MAP7: variants seen among roughly 807,000 people sequenced by gnomAD.
MAP7 encodes the protein ensconsin.
Under a neutral mutation model 94.8 loss-of-function variants are expected in MAP7, and 52 were observed. That is an observed-to-expected ratio of 0.55 (90% CI 0.44 to 0.69). The LOEUF (loss-of-function observed/expected upper bound fraction) is 0.69. Ranked by LOEUF, MAP7 falls within the 30% of genes least tolerant of loss-of-function variation. The pLI, the probability that MAP7 is intolerant of heterozygous loss-of-function variation, is 0.00. For missense variants in MAP7, 940 were observed against 964.6 expected (o/e 0.97, Z 0.34); for synonymous variants, 350 against 357.0 (o/e 0.98, Z 0.22).
At chr6:136,541,201 C>T (rs1829283015) in intron 1 of MAP7, among the ~76,000 whole-genome samples, 1 of 152,160 alleles carries the variant, frequency 6.6e-6, no homozygotes, top group Non-Finnish European at 1.5e-5. Context: ...AGTTTTGCTA[C>T]AGGAACACAT....
chr6:136,396,236 C>CA (rs2128691566), intron 3 of MAP7, among the ~76,000 whole-genome samples: 1 of 152,150 alleles, frequency 6.6e-6, no homozygotes, highest in African/African-American at 2.4e-5. Context: ...TTTTTTTCAT[C>CA]AGTGTTTTCA....
intron 1 of MAP7, among the ~76,000 whole-genome samples, chr6:136,456,764 GGAGGAAGAAGAAGAAGAAGAAGAA>G (rs1803057833): frequency 4.1e-5 from 1 of 24,362 alleles, no homozygotes; most frequent in African/African-American, 1.6e-4. Context: ...AGGAGGAGGA[GGAGGAAGAAGAAGAAGAAGAAGAA>G]GAAGAAGAAG....
At chr6:136,345,681 A>T in intron 17 of MAP7, 175 bp downstream of exon 17, 1 of 691,980 alleles carries the variant, frequency 1.4e-6, no homozygotes. Flanking sequence ...AAGTTGTCCA[A>T]TCCAACTCAA....
intron 7 of MAP7, 72 bp downstream of exon 7, chr6:136,377,683 A>T (rs1776582165): frequency 5.3e-6 from 6 of 1,137,098 alleles, no homozygotes; most frequent in Non-Finnish European, 8.0e-6. Context: ...AAAAAGTGAG[A>T]TGTGATTAGA....
intron 8 of MAP7, among the ~76,000 whole-genome samples, chr6:136,370,972 A>T (rs1353944757): frequency 6.6e-6 from 1 of 151,922 alleles, no homozygotes; most frequent in Non-Finnish European, 1.5e-5. Flanking sequence ...CAGTTTCAGT[A>T]GCCACTTTCC....
At position 136,365,927 on chromosome 6, in the gene MAP7, C is replaced by T. The variant is rs35350783; in HGVS notation, c.1081G>A (p.Val361Ile). The T allele has an allele frequency of 0.027, 44,323 of 1,614,076 alleles. 740 individuals are homozygous for T. The highest frequency in any genetic ancestry group is 0.032 in the Non-Finnish European group (37,274 of 1,180,026). The change falls in exon 10 of 18, where the codon GTC becomes ATC. Residue 361 changes from valine to isoleucine, a missense_variant. Val to Ile is a conservative substitution (Grantham distance 29). Transcript: ENST00000354570. The stretch of plus-strand genomic sequence containing the variant: ...ATGTTGCCGGGGGATGGGGGCCGGA[C>T]CTGAGCAGGAGCAGCTTTGACTGAG... ...PGSVKAAPAQ[V>I]RPPSPGNIRP...
At chr6:136,429,478 T>C (rs73567638) in intron 1 of MAP7, among the ~76,000 whole-genome samples, 1,644 of 152,300 alleles carry the variant, frequency 0.011, 20 homozygotes, top group East Asian at 0.039. Flanking sequence ...ATCTCAACTT[T>C]GGGAAATTTG....
chr6:136,523,444 T>G (rs546873010), intron 1 of MAP7, among the ~76,000 whole-genome samples: 1 of 152,256 alleles, frequency 6.6e-6, no homozygotes, highest in African/African-American at 2.4e-5. Context: ...GCTCTGCAGC[T>G]GTGGCTATTG....
At chr6:136,380,019 G>T (rs866441651) in intron 6 of MAP7, among the ~76,000 whole-genome samples, 1 of 152,062 alleles carries the variant, frequency 6.6e-6, no homozygotes, top group Middle Eastern at 3.2e-3. Flanking sequence ...TTTTTGTTTT[G>T]TTAGTTTGTT....
At chr6:136,418,719 C>G (rs1022678004) in intron 2 of MAP7, among the ~76,000 whole-genome samples, 3 of 151,710 alleles carry the variant, frequency 2.0e-5, no homozygotes, top group African/African-American at 4.8e-5. Flanking sequence ...AGGACAATAC[C>G]TAAAATATCC....
At chr6:136,348,277 G>T (rs1788245533) in intron 16 of MAP7, among the ~76,000 whole-genome samples, 2 of 152,182 alleles carry the variant, frequency 1.3e-5, no homozygotes, top group South Asian at 4.2e-4. Context: ...AGTCATAATG[G>T]CAATGGCTAA....
intron 1 of MAP7, among the ~76,000 whole-genome samples, chr6:136,448,322 C>T (rs1030059858): frequency 6.6e-6 from 1 of 152,118 alleles, no homozygotes; most frequent in Non-Finnish European, 1.5e-5. Context: ...GCAATAAGGT[C>T]CTTTTGGCAA....
chr6:136,403,518 T>G (rs773796041), intron 3 of MAP7, among the ~76,000 whole-genome samples: 1 of 152,228 alleles, frequency 6.6e-6, no homozygotes, highest in African/African-American at 2.4e-5. Flanking sequence ...CTAAAAGGCA[T>G]GAATTGGAAC....
chr6:136,372,833 T>C (rs1044197458), intron 7 of MAP7, among the ~76,000 whole-genome samples: 2 of 152,198 alleles, frequency 1.3e-5, no homozygotes, highest in Non-Finnish European at 2.9e-5. Flanking sequence ...GAATTTATGA[T>C]GAGTCCAAAA....
At chr6:136,431,723 G>T (rs1372002586) in intron 1 of MAP7, among the ~76,000 whole-genome samples, 1 of 152,026 alleles carries the variant, frequency 6.6e-6, no homozygotes, top group Non-Finnish European at 1.5e-5. Flanking sequence ...TCACCATCTT[G>T]GTAAAGCTGA....
chr6:136,364,202 C>A, intron 10 of MAP7: 1 of 527,816 alleles, frequency 1.9e-6, no homozygotes, highest in Middle Eastern at 6.5e-4. Context: ...GTGAGGTGAC[C>A]GTCAAGGAGG....
chr6:136,424,180 C>A (rs1374922708), intron 1 of MAP7, among the ~76,000 whole-genome samples: 1 of 151,910 alleles, frequency 6.6e-6, no homozygotes, highest in African/African-American at 2.4e-5. Context: ...TATTCATTTT[C>A]TGATTTCCAA....
In MAP7 at chr6:136,550,157, C is replaced by T. The variant is rs1197961942; in HGVS notation, c.67+185G>A. ...CCGAGCCGGGCTGGCCGAGCCGCGGCGGCGAAGGGCGGGGGAAGGCGCTCT... is the reference window on the plus strand; with the variant it reads ...CCGAGCCGGGCTGGCCGAGCCGCGGTGGCGAAGGGCGGGGGAAGGCGCTCT... On this transcript the variant is annotated intron_variant, in intron 1 of 17. Transcript: ENST00000354570. The surrounding 1 kb of genome is among the most constrained non-coding windows in gnomAD (Gnocchi z 5.1). Among the ~76,000 whole-genome samples, 8 of 150,580 alleles carry T rather than the reference C, an allele frequency of 5.3e-5. No individual in the cohort carries two copies. The highest frequency in any genetic ancestry group is 1.9e-4 in the African/African-American group (8 of 41,190).
In MAP7 at chr6:136,389,484, T is replaced by C; in HGVS notation, c.278A>G (p.Glu93Gly). 6.2e-7 allele frequency: 1 copy of C among 1,610,260 alleles called. No individual in the cohort carries two copies. The highest frequency in any genetic ancestry group is 8.5e-7 in the Non-Finnish European group (1 of 1,179,252). Reference sequence around the variant, plus strand: ...CTTCTCGTAGTGCTGCCTGGCTCGCTCTTCTCTTTCTAACCACACTATTTC... The same window carrying C: ...CTTCTCGTAGTGCTGCCTGGCTCGCCCTTCTCTTTCTAACCACACTATTTC... ...AREIVWLERE[E>G]RARQHYEKHL... The change falls in exon 4 of 18, where the codon GAG (glutamate) becomes GGG (glycine). Residue 93 changes from glutamate (E) to glycine (G), a missense_variant. By Grantham distance (98) the Glu-to-Gly change is moderately conservative (BLOSUM62 -2). Coordinates refer to ENST00000354570, the MANE Select transcript of MAP7 (RefSeq NM_003980.6).
Sources: allele counts gnomAD v4.1 joint callset (sites outside exome capture counted in the v4.1 genomes callset), GRCh38; gene constraint gnomAD v4.1.1; non-coding constraint Gnocchi (gnomAD v3.1); transcripts MANE v1.5; gene names NCBI Gene and HGNC (gene_info 2026-07-23, HGNC 2026-07-21).